WWOX: variants seen among roughly 807,000 people sequenced by gnomAD.
WWOX encodes WW domain-containing oxidoreductase.
In WWOX, 69 loss-of-function variants were observed where a neutral mutation model predicts 46.2. That is an observed-to-expected ratio of 1.49 (90% confidence interval 1.23 to 1.82). The LOEUF is 1.82. Among genes scored for constraint, WWOX ranks in the 40% most tolerant of loss-of-function variants. The probability of loss-of-function intolerance (pLI) is 0.00; values close to 1 mark genes in which losing one functional copy is unlikely to be tolerated. For synonymous variants in WWOX, 359 were observed against 202.6 expected (o/e 1.77, Z -6.56); for missense variants, 919 against 542.6 (o/e 1.69, Z -6.89).
intron 8 of WWOX, among the ~76,000 whole-genome samples, chr16:78,491,389 C>T (rs769346361): frequency 2.0e-5 from 3 of 152,164 alleles, no homozygotes; most frequent in African/African-American, 7.2e-5. Flanking sequence ...GCTCAGTGAA[C>T]AGTTCTTGAA....
chr16:78,454,272 T>C (rs746057338), intron 8 of WWOX, among the ~76,000 whole-genome samples: 1 of 152,196 alleles, frequency 6.6e-6, no homozygotes, highest in Non-Finnish European at 1.5e-5. Flanking sequence ...TCTATGTTGC[T>C]CTAAAACAGC....
chr16:78,702,799 G>C (rs183835653), intron 8 of WWOX, among the ~76,000 whole-genome samples: 135 of 152,320 alleles, frequency 8.9e-4, no homozygotes, highest in African/African-American at 3.1e-3. Flanking sequence ...ATTTGGAGAA[G>C]CTCTGTGTGC....
intron 8 of WWOX, among the ~76,000 whole-genome samples, chr16:78,886,342 C>T (rs565390978): frequency 6.7e-6 from 1 of 149,772 alleles, no homozygotes; most frequent in African/African-American, 2.4e-5. Flanking sequence ...TTTGTGCATT[C>T]TGTATTCTAC....
intron 8 of WWOX, among the ~76,000 whole-genome samples, chr16:78,885,189 C>T (rs2151219894): frequency 6.8e-6 from 1 of 146,100 alleles, no homozygotes; most frequent in Admixed American, 6.9e-5. Flanking sequence ...CAATCACTCT[C>T]TACTTTTTTT....
chr16:78,578,254 T>A (rs1278802161), intron 8 of WWOX, among the ~76,000 whole-genome samples: 744 of 31,640 alleles, frequency 0.024, 37 homozygotes, highest in Admixed American at 0.064. Flanking sequence ...ATACCAAATT[T>A]TATATATATA....
rs532837445 is a variant in WWOX, at chr16:78,667,272, A to G, written c.1056+234520A>G. Reference sequence around the variant, plus strand: ...ACTATCTTTCTAGAAGCAGAGCTGTAAGTCTCTTTTAACACCATTTTCAAG... The same window carrying G: ...ACTATCTTTCTAGAAGCAGAGCTGTGAGTCTCTTTTAACACCATTTTCAAG... On this transcript the variant is annotated intron_variant, in intron 8 of 8. Transcript: ENST00000566780. Among the ~76,000 whole-genome samples the G allele has an allele frequency of 3.3e-5, 5 of 152,298 alleles. No homozygotes were observed. The East Asian group carries it at 9.7e-4, about 29-fold the overall frequency.
At chr16:78,479,229 C>G (rs578199035) in intron 8 of WWOX, among the ~76,000 whole-genome samples, 1 of 152,134 alleles carries the variant, frequency 6.6e-6, no homozygotes, top group African/African-American at 2.4e-5. Context: ...GTATTGAATA[C>G]CTACTATGTG....
intron 8 of WWOX, among the ~76,000 whole-genome samples, chr16:78,448,063 C>G (rs1180886232): frequency 3.9e-5 from 6 of 152,080 alleles, no homozygotes. Flanking sequence ...CTCAGCCTCC[C>G]GATGTGTTGG....
chr16:78,751,515 G>A (rs2049479046), intron 8 of WWOX, among the ~76,000 whole-genome samples: 1 of 132,598 alleles, frequency 7.5e-6, no homozygotes, highest in South Asian at 2.4e-4. Context: ...AAATATACAT[G>A]TAAAGACCCA....
intron 8 of WWOX, among the ~76,000 whole-genome samples, chr16:78,914,645 G>C (rs549047934): frequency 2.2e-4 from 33 of 151,822 alleles, no homozygotes; most frequent in Non-Finnish European, 3.5e-4. Context: ...TTTGGGAGGC[G>C]GAGGCGGGCA....
At chr16:79,207,173 C>G (rs891690424) in intron 8 of WWOX, among the ~76,000 whole-genome samples, 5 of 152,210 alleles carry the variant, frequency 3.3e-5, no homozygotes, top group Admixed American at 1.3e-4. Context: ...CAGCAGCTCT[C>G]TGATAAATGT....
chr16:78,938,099 C>T (rs960728277), intron 8 of WWOX, among the ~76,000 whole-genome samples: 2 of 152,142 alleles, frequency 1.3e-5, no homozygotes, highest in African/African-American at 4.8e-5. Context: ...CCACTCAGAC[C>T]CTGTGATTTT....
At chr16:78,967,557 G>T (rs2046386680) in intron 8 of WWOX, among the ~76,000 whole-genome samples, 1 of 144,234 alleles carries the variant, frequency 6.9e-6, no homozygotes, top group Non-Finnish European at 1.5e-5. Flanking sequence ...CACCCATCTT[G>T]GCCTCCCAGA....
At chr16:78,763,837 C>G (rs927053831) in intron 8 of WWOX, among the ~76,000 whole-genome samples, 22 of 152,194 alleles carry the variant, frequency 1.4e-4, no homozygotes, top group African/African-American at 4.6e-4. Flanking sequence ...AGAGCTGGCT[C>G]TCCTCTTTCT....
chr16:78,840,431 TC>T (rs1265496377), intron 8 of WWOX, among the ~76,000 whole-genome samples: 1 of 152,202 alleles, frequency 6.6e-6, no homozygotes, highest in Non-Finnish European at 1.5e-5. Context: ...TCCTCTTGCC[TC>T]TGCAGCACAG....
chr16:78,224,473 T>C lies in WWOX; in HGVS notation c.516+60184T>C, dbSNP rs144046479. Among the ~76,000 whole-genome samples the C allele has an allele frequency of 4.1e-3, 624 of 152,082 alleles. 2 individuals are homozygous for C. Among genetic ancestry groups the C allele is most frequent in the African/African-American group, 0.015 (603 of 41,498 alleles). ...GAAACTGCCTTTTTTCATGTAATAG[T>C]ATTTCTGTGTCACTAAATCCTTCAA... On this transcript the variant is annotated intron_variant, in intron 5 of 8. Coordinates refer to ENST00000566780, the MANE Select transcript of WWOX (RefSeq NM_016373.4).
At chr16:78,225,578 G>C (rs2037026561) in intron 5 of WWOX, among the ~76,000 whole-genome samples, 1 of 152,102 alleles carries the variant, frequency 6.6e-6, no homozygotes, top group African/African-American at 2.4e-5. Flanking sequence ...ACGTGCCTAT[G>C]TTTGACTTTG....
chr16:78,965,850 A>C (rs1322528191), intron 8 of WWOX, among the ~76,000 whole-genome samples: 1 of 152,218 alleles, frequency 6.6e-6, no homozygotes, highest in East Asian at 1.9e-4. Flanking sequence ...GCACAGGAGC[A>C]GTTCTTAGAT....
chr16:78,365,725 A>G (rs142025607), intron 5 of WWOX, among the ~76,000 whole-genome samples: 470 of 152,082 alleles, frequency 3.1e-3, no homozygotes, highest in Non-Finnish European at 5.4e-3. Flanking sequence ...TCTGTAAGCA[A>G]TCTCCTTATT....
Sources: gnomAD v4.1 joint callset for allele counts (sites outside exome capture counted in the v4.1 genomes callset) on GRCh38, gnomAD v4.1.1 for gene constraint, MANE v1.5 for transcripts, NCBI Gene and HGNC (gene_info 2026-07-23, HGNC 2026-07-21) for gene names.